MOB1B: variants seen among roughly 807,000 people sequenced by gnomAD.
MOB1B encodes MOB1 Mps One Binder homolog B.
In MOB1B, 19 loss-of-function variants were observed where a neutral mutation model predicts 24.4. The observed-to-expected ratio is 0.78, with a 90% confidence interval of 0.54 to 1.14. The LOEUF (loss-of-function observed/expected upper bound fraction) is 1.14, where lower values mean the gene tolerates loss of function less well. Among genes scored for constraint, MOB1B ranks in the 50% most tolerant of loss-of-function variants. The pLI is 0.00. For synonymous variants in MOB1B, 76 were observed against 82.1 expected (o/e 0.93, Z 0.40); for missense variants, 243 against 259.6 (o/e 0.94, Z 0.44).
intron 1 of MOB1B, among the ~76,000 whole-genome samples, chr4:70,956,285 G>GA (rs879765060): frequency 2.0e-5 from 3 of 151,410 alleles, no homozygotes; most frequent in Non-Finnish European, 4.4e-5. Context: ...TTCTCTGGTT[G>GA]AAAAAAAATT....
intron 4 of MOB1B, chr4:70,976,313 T>G: frequency 1.0e-6 from 1 of 985,102 alleles, no homozygotes; most frequent in African/African-American, 1.7e-5. Flanking sequence ...GAAGTTCATA[T>G]GGCTTCTATC....
At chr4:70,950,673 T>A (rs916637511) in intron 1 of MOB1B, 106 of 1,224,770 alleles carry the variant, frequency 8.7e-5, no homozygotes, top group Non-Finnish European at 1.2e-4. Flanking sequence ...TTAGTTAATA[T>A]TAATCATCAT....
At chr4:70,926,202 C>T (rs554535843) in intron 1 of MOB1B, among the ~76,000 whole-genome samples, 1 of 151,382 alleles carries the variant, frequency 6.6e-6, no homozygotes, top group East Asian at 1.9e-4. Flanking sequence ...TCCAGGTGGT[C>T]TTGAACTCCT....
chr4:70,920,259 ATTCTCCTTCTCC>A (rs533685550), intron 1 of MOB1B, among the ~76,000 whole-genome samples: 5 of 149,524 alleles, frequency 3.3e-5, no homozygotes, highest in African/African-American at 7.4e-5. Flanking sequence ...CCTCCTTCTC[ATTCTCCTTCTCC>A]TTCTCCTTCA....
At chr4:70,958,567 A>T in intron 1 of MOB1B, 1 of 382,926 alleles carries the variant, frequency 2.6e-6, no homozygotes. Context: ...TTATTTTATT[A>T]GAATGAGAGA....
intron 1 of MOB1B, among the ~76,000 whole-genome samples, chr4:70,905,465 T>A (rs551233433): frequency 6.6e-6 from 1 of 151,982 alleles, no homozygotes; most frequent in East Asian, 1.9e-4. Context: ...CCCAGGCTGG[T>A]CTCCTGGGCT....
intron 2 of MOB1B, among the ~76,000 whole-genome samples, chr4:70,961,303 A>G (rs1451191974): frequency 1.3e-5 from 2 of 152,170 alleles, no homozygotes; most frequent in East Asian, 1.9e-4. Flanking sequence ...GGTGGCTACT[A>G]TAGGTGATTA....
chr4:70,980,077 T>G (rs1206979859), intron 5 of MOB1B, among the ~76,000 whole-genome samples: 1 of 152,180 alleles, frequency 6.6e-6, no homozygotes, highest in Non-Finnish European at 1.5e-5. Context: ...GTTGTTTTTG[T>G]ATATCTACAG....
intron 1 of MOB1B, among the ~76,000 whole-genome samples, chr4:70,915,392 G>A (rs951165913): frequency 1.3e-5 from 2 of 152,192 alleles, no homozygotes; most frequent in African/African-American, 2.4e-5. Flanking sequence ...GAGCAGGCCC[G>A]AGCATAGGGG....
At chr4:70,950,654 C>T (rs533789444) in intron 1 of MOB1B, 12 of 987,332 alleles carry the variant, frequency 1.2e-5, no homozygotes, top group African/African-American at 4.9e-5. Context: ...ACAAAGCTTG[C>T]GGTAAATGTT....
intron 1 of MOB1B, among the ~76,000 whole-genome samples, chr4:70,917,074 CT>C (rs1736225259): frequency 6.6e-6 from 1 of 152,188 alleles, no homozygotes; most frequent in African/African-American, 2.4e-5. Flanking sequence ...ACTTCTTTTA[CT>C]TTTAACCTTG....
intron 3 of MOB1B, among the ~76,000 whole-genome samples, chr4:70,970,554 G>C (rs1254128868): frequency 6.6e-6 from 1 of 152,118 alleles, no homozygotes; most frequent in Non-Finnish European, 1.5e-5. Context: ...GACAGAGCTT[G>C]CCACCTTGTT....
chr4:70,913,192 T>TA (rs1331628720), intron 1 of MOB1B, among the ~76,000 whole-genome samples: 4 of 152,214 alleles, frequency 2.6e-5, no homozygotes, highest in African/African-American at 9.6e-5. Context: ...GCATTTGAGT[T>TA]ACGCATTTGA....
At chr4:70,937,501 T>G (rs1013592352) in intron 1 of MOB1B, among the ~76,000 whole-genome samples, 2 of 151,786 alleles carry the variant, frequency 1.3e-5, no homozygotes, top group African/African-American at 4.9e-5. Context: ...ATTTTTTTTT[T>G]CTCGTTTCCC....
At chr4:70,923,441 GA>G (rs1330414181) in intron 1 of MOB1B, among the ~76,000 whole-genome samples, 1 of 152,072 alleles carries the variant, frequency 6.6e-6, no homozygotes, top group Non-Finnish European at 1.5e-5. Flanking sequence ...GGGCTCAAGC[GA>G]ACTGCCCGCC....
intron 1 of MOB1B, among the ~76,000 whole-genome samples, chr4:70,951,934 G>T (rs555686867): frequency 1.3e-5 from 2 of 152,332 alleles, no homozygotes; most frequent in South Asian, 2.1e-4. Flanking sequence ...CTGTACAAGA[G>T]AAATTAGCAA....
Position 70,969,983 on chromosome 4 carries a change from C to T in MOB1B, c.234C>T (p.Phe78=), listed in dbSNP as rs1469343856. ...INMLYGTITD[F]CTEESCPVMS... ...TGCTTTATGGAACTATCACAGACTT[C>T]TGTACAGAAGAGAGTTGTCCAGTGA... The change falls in exon 3 of 6, where the codon TTC becomes TTT. Residue 78 remains phenylalanine, a synonymous_variant. Coordinates refer to ENST00000309395, the MANE Select transcript of MOB1B (RefSeq NM_173468.4). 1.2e-6 allele frequency: 2 copies of T among 1,607,030 alleles called. No homozygotes were observed. Among genetic ancestry groups the T allele is most frequent in the Non-Finnish European group, 8.5e-7 (1 of 1,176,020 alleles).
chr4:70,925,737 T>G (rs528760018), intron 1 of MOB1B, among the ~76,000 whole-genome samples: 3 of 152,304 alleles, frequency 2.0e-5, no homozygotes, highest in South Asian at 4.1e-4. Flanking sequence ...TTAATTTAAA[T>G]GGTTTGAGAT....
chr4:70,934,971 C>T (rs1456994348), intron 1 of MOB1B, among the ~76,000 whole-genome samples: 2 of 151,882 alleles, frequency 1.3e-5, no homozygotes, highest in East Asian at 3.9e-4. Context: ...GAGACAGGGT[C>T]TCTCTCTGTT....
Sources: gnomAD v4.1 joint callset for allele counts (sites outside exome capture counted in the v4.1 genomes callset) on GRCh38, gnomAD v4.1.1 for gene constraint, MANE v1.5 for transcripts, NCBI Gene and HGNC (gene_info 2026-07-23, HGNC 2026-07-21) for gene names.